RNF138: variants seen among roughly 807,000 people sequenced by gnomAD.
RNF138 encodes the protein E3 ubiquitin-protein ligase RNF138.
In RNF138, 12 loss-of-function variants were observed where a neutral mutation model predicts 31.0. The ratio of observed to expected loss-of-function variants is 0.39; its 90% CI spans 0.25 to 0.63. The LOEUF (loss-of-function observed/expected upper bound fraction) is 0.63, where lower values mean the gene tolerates loss of function less well. Ranked by LOEUF, RNF138 falls within the 20% of genes least tolerant of loss-of-function variation. RNF138 has a pLI of 0.52. For synonymous variants in RNF138, 105 were observed against 99.5 expected (o/e 1.06, Z -0.33); for missense variants, 192 against 300.1 (o/e 0.64, Z 2.66).
chr18:32,106,493 A>G (rs1250044420), intron 2 of RNF138, among the ~76,000 whole-genome samples: 1 of 152,074 alleles, frequency 6.6e-6, no homozygotes, highest in African/African-American at 2.4e-5. Context: ...TAGGTGATCT[A>G]TTTTTACTTC....
At chr18:32,125,823 A>G (rs1170862638) in intron 6 of RNF138, among the ~76,000 whole-genome samples, 1 of 152,172 alleles carries the variant, frequency 6.6e-6, no homozygotes. Flanking sequence ...GATGACCTTA[A>G]GCTCTCACAT....
At chr18:32,099,716 C>G (rs2039884769) in intron 2 of RNF138, among the ~76,000 whole-genome samples, 1 of 152,106 alleles carries the variant, frequency 6.6e-6, no homozygotes. Context: ...ATTCTTTGTA[C>G]CTGTTATCAC....
At position 32,124,848 on chromosome 18, in the gene RNF138, A is replaced by T; in HGVS notation, c.561+3A>T. The T allele has an allele frequency of 7.3e-7, 1 of 1,363,288 alleles. No individual in the cohort carries two copies. The allele number at this position is 1,363,288 out of a possible 1,614,324, so 84.4% of individuals were successfully genotyped here. ...ACCTATTTCAGATAGTTCCTGTGGT[A>T]AGTACATACGTTTGAGACAGTCTTC... On this transcript the variant is annotated splice_donor_region_variant and intron_variant, in intron 6 of 7. Transcript: ENST00000261593.
intron 2 of RNF138, among the ~76,000 whole-genome samples, chr18:32,102,195 C>CTTTTTTTTTT (rs1167535943): frequency 5.6e-4 from 36 of 63,818 alleles, no homozygotes; most frequent in Non-Finnish European, 7.5e-4. Flanking sequence ...CTTTTAGTTT[C>CTTTTTTTTTT]TTTTTTTTTT....
intron 2 of RNF138, among the ~76,000 whole-genome samples, chr18:32,107,155 C>T (rs1380032550): frequency 1.6e-5 from 2 of 123,594 alleles, no homozygotes; most frequent in Non-Finnish European, 3.2e-5. Flanking sequence ...GAATCTCGCT[C>T]TGTCACCCAG....
chr18:32,108,991 A>G (rs1282685587), intron 2 of RNF138, among the ~76,000 whole-genome samples: 2 of 152,068 alleles, frequency 1.3e-5, no homozygotes, highest in East Asian at 3.9e-4. Flanking sequence ...TTTGATGGGT[A>G]TATACTTCAG....
At chr18:32,127,742 C>A (rs1385440308) in intron 7 of RNF138, among the ~76,000 whole-genome samples, 1 of 152,054 alleles carries the variant, frequency 6.6e-6, no homozygotes, top group Non-Finnish European at 1.5e-5. Context: ...ATTTGTGAAC[C>A]ACTTTTGATC....
At chr18:32,097,952 G>A (rs1232800059) in intron 2 of RNF138, among the ~76,000 whole-genome samples, 1 of 79,464 alleles carries the variant, frequency 1.3e-5, no homozygotes, top group Admixed American at 1.6e-4. Flanking sequence ...ATATGTGTGT[G>A]TGTGTGTGTG....
At chr18:32,100,371 C>T (rs1048897562) in intron 2 of RNF138, among the ~76,000 whole-genome samples, 5 of 151,648 alleles carry the variant, frequency 3.3e-5, no homozygotes, top group Admixed American at 3.3e-4. Flanking sequence ...ATGATCATGG[C>T]TCACTGCAGC....
chr18:32,124,542 A>G (rs2040355535), intron 5 of RNF138, 192 bp from the exon 6 acceptor site: 1 of 527,100 alleles, frequency 1.9e-6, no homozygotes, highest in African/African-American at 1.9e-5. Context: ...CACTAAGAGT[A>G]CTGTAAACTG....
intron 2 of RNF138, among the ~76,000 whole-genome samples, chr18:32,102,401 C>A (rs1333013186): frequency 6.6e-6 from 1 of 151,260 alleles, no homozygotes; most frequent in Non-Finnish European, 1.5e-5. Context: ...TGGGGTTTCA[C>A]CATGTTAGCT....
intron 2 of RNF138, among the ~76,000 whole-genome samples, chr18:32,107,221 A>G (rs955651941): frequency 6.9e-5 from 10 of 144,756 alleles, no homozygotes; most frequent in Non-Finnish European, 1.2e-4. Context: ...CCCGGGTTTA[A>G]GCAGTTCTCC....
intron 3 of RNF138, among the ~76,000 whole-genome samples, chr18:32,113,400 C>A (rs374063728): frequency 3.5e-4 from 54 of 152,222 alleles, no homozygotes; most frequent in Middle Eastern, 3.4e-3. Context: ...CTCTGCCAGG[C>A]TGCAGAAGTT....
Position 32,131,496 on chromosome 18 carries a change from T to A in RNF138, c.*2309T>A, listed in dbSNP as rs185527218. 2 of 152,222 alleles carry A rather than the reference T, an allele frequency of 1.3e-5. No homozygotes were observed. The highest frequency in any genetic ancestry group is 2.9e-5 in the Non-Finnish European group (2 of 68,008). 9.4% of individuals were successfully genotyped at this position (152,222 alleles called of 1,614,324 possible). A position where few individuals can be genotyped will look rare whatever the true frequency, so the allele number is the denominator to read the frequency against. On this transcript the variant is annotated 3_prime_UTR_variant, in exon 8 of 8. Coordinates refer to ENST00000261593, the MANE Select transcript of RNF138 (RefSeq NM_016271.5). ...GCTATTTCAACAAATTACAGTTTTA[T>A]TGTTAAAACAGAGTCTTATTTGAGA...
intron 6 of RNF138, among the ~76,000 whole-genome samples, chr18:32,125,485 A>G (rs933853764): frequency 2.6e-5 from 4 of 152,218 alleles, no homozygotes; most frequent in African/African-American, 9.6e-5. Flanking sequence ...GAACAGGAGA[A>G]ACTGAGCTGG....
chr18:32,121,770 C>A, intron 4 of RNF138, among the ~76,000 whole-genome samples: 1 of 152,148 alleles, frequency 6.6e-6, no homozygotes, highest in East Asian at 1.9e-4. Context: ...TGTAACCACT[C>A]CCTTAATAAG....
At chr18:32,096,926 C>G (rs1333646818) in intron 2 of RNF138, among the ~76,000 whole-genome samples, 1 of 152,080 alleles carries the variant, frequency 6.6e-6, no homozygotes. Flanking sequence ...AGAGATGGGT[C>G]TTGCTTTGTT....
chr18:32,113,336 G>A (rs1294736609), intron 3 of RNF138, among the ~76,000 whole-genome samples: 2 of 150,766 alleles, frequency 1.3e-5, no homozygotes, highest in Non-Finnish European at 2.9e-5. Flanking sequence ...GGGATTACAA[G>A]CGCGAGCCAC....
intron 4 of RNF138, among the ~76,000 whole-genome samples, chr18:32,116,363 GTATT>G (rs1257533893): frequency 2.6e-5 from 4 of 151,874 alleles, no homozygotes; most frequent in South Asian, 2.1e-4. Context: ...AAACTTTATT[GTATT>G]TATTTATTTC....
Sources: allele counts gnomAD v4.1 joint callset (sites outside exome capture counted in the v4.1 genomes callset), GRCh38; gene constraint gnomAD v4.1.1; transcripts MANE v1.5; gene names NCBI Gene and HGNC (gene_info 2026-07-23, HGNC 2026-07-21).